AUTS2: variants seen among roughly 807,000 people sequenced by gnomAD.
AUTS2 encodes activator of transcription and developmental regulator AUTS2.
In AUTS2, 17 loss-of-function variants were observed where a neutral mutation model predicts 112.4. The ratio of observed to expected loss-of-function variants is 0.15; its 90% CI spans 0.10 to 0.23. The LOEUF is 0.23. Ranked by LOEUF, AUTS2 falls within the 10% of genes least tolerant of loss-of-function variation. The probability of loss-of-function intolerance (pLI) is 1.00; values close to 1 mark genes in which losing one functional copy is unlikely to be tolerated. For missense variants in AUTS2, 1,510 were observed against 1,701.6 expected, an observed-to-expected ratio of 0.89 and a Z score of 1.98; for synonymous variants, 751 against 702.7, an observed-to-expected ratio of 1.07 and a Z score of -1.09.
In AUTS2 at chr7:69,599,949, T is replaced by C; in HGVS notation, c.296T>C (p.Phe99Ser). ...TTTGCCATGACCAGCTTTGTCACTT[T>C]TGAAGCGCTGGAGGTAAGGGGGACC... Reference protein sequence around the residue: ...DGFAMTSFVTFEALEKDVALK... With the variant: ...DGFAMTSFVTSEALEKDVALK... The change falls in exon 1 of 19, where the codon TTT (phenylalanine) becomes TCT (serine). Residue 99 changes from phenylalanine to serine, a missense_variant. Phe to Ser is a radical substitution (Grantham distance 155). This residue lies in a region of AUTS2 where 535 missense variants were observed against 594.3 expected (regional missense o/e 0.90). Transcript: ENST00000342771. The surrounding 1 kb of genome is among the most constrained non-coding windows in gnomAD (Gnocchi z 7.0). 6.2e-7 allele frequency: 1 copy of C among 1,613,402 alleles called. No individual in the cohort carries two copies. The highest frequency in any genetic ancestry group is 8.5e-7 in the Non-Finnish European group (1 of 1,179,818).
chr7:70,701,957 C>G (rs1809483330), intron 6 of AUTS2, among the ~76,000 whole-genome samples: 1 of 152,100 alleles, frequency 6.6e-6, no homozygotes, highest in Admixed American at 6.5e-5. Context: ...GCAACAGGAC[C>G]TGTACCCCAA....
At chr7:69,964,307 G>A (rs1797546539) in intron 2 of AUTS2, among the ~76,000 whole-genome samples, 1 of 152,122 alleles carries the variant, frequency 6.6e-6, no homozygotes, top group Admixed American at 6.5e-5. Flanking sequence ...GTTTGATCCA[G>A]GTCAGTTCGC....
chr7:70,725,765 T>C (rs1012065445), intron 6 of AUTS2, among the ~76,000 whole-genome samples: 1 of 152,142 alleles, frequency 6.6e-6, no homozygotes, highest in Non-Finnish European at 1.5e-5. Flanking sequence ...TCATTGCCCC[T>C]AGTAGAGATA....
intron 6 of AUTS2, among the ~76,000 whole-genome samples, chr7:70,738,169 T>C (rs953497214): frequency 3.3e-5 from 5 of 152,130 alleles, no homozygotes; most frequent in African/African-American, 1.2e-4. Context: ...AATGAAGTCT[T>C]CCAAGTCAGT....
intron 1 of AUTS2, among the ~76,000 whole-genome samples, chr7:69,751,338 A>G (rs901269788): frequency 3.3e-5 from 5 of 152,164 alleles, no homozygotes; most frequent in African/African-American, 1.2e-4. Flanking sequence ...CATGATTTTC[A>G]ATGCTATTTA....
At chr7:70,114,760 C>T (rs934026346) in intron 2 of AUTS2, among the ~76,000 whole-genome samples, 1 of 151,772 alleles carries the variant, frequency 6.6e-6, no homozygotes, top group Non-Finnish European at 1.5e-5. Flanking sequence ...GAGATGGCAC[C>T]ATTGCACTCC....
chr7:70,377,972 G>T (rs1464599727), intron 4 of AUTS2, among the ~76,000 whole-genome samples: 1 of 151,644 alleles, frequency 6.6e-6, no homozygotes, highest in African/African-American at 2.4e-5. Context: ...TAGAGACGGG[G>T]TTTCACCGTG....
At chr7:70,355,022 GTGTATGGGTGTGTGTGTA>G in intron 4 of AUTS2, among the ~76,000 whole-genome samples, 2 of 150,082 alleles carry the variant, frequency 1.3e-5, no homozygotes, top group East Asian at 3.9e-4. Context: ...GTATGTGTGT[GTGTATGGGTGTGTGTGTA>G]TGTATGTGTG....
intron 4 of AUTS2, among the ~76,000 whole-genome samples, chr7:70,376,126 A>C (rs1793073833): frequency 6.6e-6 from 1 of 152,204 alleles, no homozygotes; most frequent in Non-Finnish European, 1.5e-5. Context: ...CACTGAAGAA[A>C]GGGATAAATG....
At chr7:70,317,285 G>A (rs1790041740) in intron 4 of AUTS2, among the ~76,000 whole-genome samples, 1 of 152,078 alleles carries the variant, frequency 6.6e-6, no homozygotes, top group South Asian at 2.1e-4. Context: ...GCGGGGTTTT[G>A]TAACCTTTTG....
intron 1 of AUTS2, among the ~76,000 whole-genome samples, chr7:69,772,434 A>G (rs1279003126): frequency 1.3e-5 from 2 of 152,158 alleles, no homozygotes; most frequent in East Asian, 3.9e-4. Flanking sequence ...CAGGGAACTT[A>G]AAGTCTTTTT....
At chr7:69,783,865 A>T (rs1789250456) in intron 1 of AUTS2, among the ~76,000 whole-genome samples, 1 of 152,164 alleles carries the variant, frequency 6.6e-6, no homozygotes, top group African/African-American at 2.4e-5. Flanking sequence ...GCAGACTGAG[A>T]TGTCTCTTAA....
chr7:69,733,518 A>G (rs2129234775), intron 1 of AUTS2, among the ~76,000 whole-genome samples: 1 of 152,312 alleles, frequency 6.6e-6, no homozygotes, highest in South Asian at 2.1e-4. Flanking sequence ...TCCTCTGAGA[A>G]GGGAGTGTTC....
At chr7:69,790,347 C>T (rs1368934730) in intron 1 of AUTS2, among the ~76,000 whole-genome samples, 2 of 152,052 alleles carry the variant, frequency 1.3e-5, no homozygotes, top group Non-Finnish European at 1.5e-5. Flanking sequence ...TATCCCATTC[C>T]AAATTGTGCT....
intron 2 of AUTS2, among the ~76,000 whole-genome samples, chr7:70,048,420 G>A (rs1270924764): frequency 6.6e-6 from 1 of 152,104 alleles, no homozygotes; most frequent in African/African-American, 2.4e-5. Context: ...ATAAGATTTT[G>A]TACATATTTC....
At chr7:70,594,014 A>G (rs2129528860) in intron 5 of AUTS2, among the ~76,000 whole-genome samples, 1 of 152,360 alleles carries the variant, frequency 6.6e-6, no homozygotes, top group Admixed American at 6.5e-5. Context: ...TGGCCCAGGC[A>G]GCCCTCAGTG....
At position 69,899,287 on chromosome 7, in the gene AUTS2, A is replaced by G. The variant is rs1168046299; in HGVS notation, c.311A>G (p.Lys104Arg). The G allele has an allele frequency of 7.4e-6, 12 of 1,611,544 alleles. No individual in the cohort carries two copies. Among genetic ancestry groups the G allele is most frequent in the South Asian group, 1.1e-5 (1 of 91,010 alleles). ...CTTTCCTTCTCTTCTTTTCTACAGA[A>G]AGATGTAGCACTTAAGCCTCAGGAA... ...TSFVTFEALEKDVALKPQERV... is the reference protein window; with the variant it reads ...TSFVTFEALERDVALKPQERV... Residue 104 changes from lysine (K) to arginine (R), a missense_variant and splice_region_variant, in exon 2 of 19, where the codon AAA (lysine) becomes AGA (arginine). This residue lies in a region of AUTS2 where 535 missense variants were observed against 594.3 expected (regional missense o/e 0.90). Transcript: ENST00000342771.
At chr7:69,773,811 C>T (rs761115926) in intron 1 of AUTS2, among the ~76,000 whole-genome samples, 3 of 152,322 alleles carry the variant, frequency 2.0e-5, no homozygotes, top group South Asian at 2.1e-4. Flanking sequence ...GCTGAGCTTC[C>T]GTCTCTACCG....
chr7:70,676,116 T>C (rs565737584), intron 5 of AUTS2, among the ~76,000 whole-genome samples: 1 of 152,326 alleles, frequency 6.6e-6, no homozygotes, highest in East Asian at 1.9e-4. Flanking sequence ...TATAAAAGGT[T>C]ATTCCTCTTC....
Sources: gnomAD v4.1 joint callset for allele counts (sites outside exome capture counted in the v4.1 genomes callset) on GRCh38, gnomAD v4.1.1 for gene constraint, gnomAD v4.1.1 regional missense constraint, Gnocchi (gnomAD v3.1) non-coding constraint, MANE v1.5 for transcripts, NCBI Gene and HGNC (gene_info 2026-07-23, HGNC 2026-07-21) for gene names.